The following ITGA1 variants were observed in gnomAD, a reference collection of about 807,000 sequenced individuals.
ITGA1 encodes integrin subunit alpha 1, also known as integrin alpha-1.
Under a neutral mutation model 145.9 loss-of-function variants are expected in ITGA1, and 85 were observed. That is an observed-to-expected ratio of 0.58 (90% confidence interval 0.49 to 0.70). The LOEUF is 0.70. ITGA1 is among the 30% of genes least tolerant of loss of function. ITGA1 has a pLI of 0.00. For missense variants in ITGA1, 1,351 were observed against 1,418.7 expected (o/e 0.95, Z 0.77); for synonymous variants, 520 against 495.3 (o/e 1.05, Z -0.66).
At chr5:52,925,168 A>T in intron 18 of ITGA1, 110 bp from the exon 19 acceptor site, 1 of 724,918 alleles carries the variant, frequency 1.4e-6, no homozygotes, top group Non-Finnish European at 2.4e-6. Flanking sequence ...TCTCCTTATG[A>T]GTTGCTTAAC....
chr5:52,895,890 G>C (rs555799486), intron 9 of ITGA1, among the ~76,000 whole-genome samples: 1 of 152,018 alleles, frequency 6.6e-6, no homozygotes, highest in African/African-American at 2.4e-5. Context: ...ATTTAAAAAG[G>C]CTTTATTTCT....
chr5:52,887,756 A>G (rs577880791), intron 7 of ITGA1, 59 bp from the exon 8 acceptor site: 5 of 1,496,924 alleles, frequency 3.3e-6, no homozygotes, highest in Admixed American at 4.2e-5. Flanking sequence ...TTAGTTTTTT[A>G]CTTTGTCTAT....
chr5:52,833,455 A>G (rs999479991), intron 1 of ITGA1, among the ~76,000 whole-genome samples: 5 of 152,210 alleles, frequency 3.3e-5, no homozygotes, highest in Admixed American at 2.6e-4. Flanking sequence ...TATGGGTTCC[A>G]TAAAACATTA....
At chr5:52,874,077 G>A (rs185240687) in intron 6 of ITGA1, among the ~76,000 whole-genome samples, 24 of 151,926 alleles carry the variant, frequency 1.6e-4, no homozygotes, top group African/African-American at 5.3e-4. Flanking sequence ...AAAAAAAAAG[G>A]TGGATTATTT....
At chr5:52,858,889 T>G (rs922906006) in intron 2 of ITGA1, among the ~76,000 whole-genome samples, 1 of 152,168 alleles carries the variant, frequency 6.6e-6, no homozygotes, top group African/African-American at 2.4e-5. Flanking sequence ...TTGATGATCC[T>G]CTGAAATGGA....
rs1279768532 is a variant in ITGA1, at chr5:52,932,543, A to G, written c.2861+407A>G. The stretch of plus-strand genomic sequence containing the variant: ...GCTGATCAGTCTTCTCAATCTGGAC[A>G]CACAAGATTAAAGCATTTCTCATTG... On this transcript the variant is annotated intron_variant, in intron 22 of 28. Transcript: ENST00000282588. 5.8e-5 allele frequency: 9 copies of G among 155,894 alleles called. No individual in the cohort carries two copies. The Admixed American group carries it at 5.9e-4, about 10-fold the overall frequency. 9.7% of individuals were successfully genotyped at this position (155,894 alleles called of 1,614,324 possible). A position where few individuals can be genotyped will look rare whatever the true frequency, so the allele number is the denominator to read the frequency against.
chr5:52,920,552 ACT>A (rs2111872159), intron 17 of ITGA1, 84 bp downstream of exon 17: 2 of 1,136,940 alleles, frequency 1.8e-6, no homozygotes, highest in Non-Finnish European at 1.2e-6. Context: ...TCAAATTCTT[ACT>A]GTTTTATTTC....
chr5:52,928,223 AAATTTATACTACATAACATATCT>A (rs1366520153), intron 20 of ITGA1, among the ~76,000 whole-genome samples: 1 of 152,236 alleles, frequency 6.6e-6, no homozygotes, highest in Non-Finnish European at 1.5e-5. Flanking sequence ...ACAAGATTTA[AAATTTATACTACATAACATATCT>A]AATTTATACT....
chr5:52,946,264 GGCT>G (rs1346139028), intron 27 of ITGA1, among the ~76,000 whole-genome samples: 7 of 152,150 alleles, frequency 4.6e-5, no homozygotes, highest in Non-Finnish European at 8.8e-5. Flanking sequence ...TGGGCTTAGT[GGCT>G]CATGTCTGTC....
intron 6 of ITGA1, among the ~76,000 whole-genome samples, chr5:52,871,101 T>G (rs1443110181): frequency 6.6e-6 from 1 of 152,222 alleles, no homozygotes; most frequent in East Asian, 1.9e-4. Context: ...AACTACAGGC[T>G]TCTTACCTCG....
chr5:52,939,543 C>A (rs1164351544), intron 24 of ITGA1, 47 bp from the exon 25 acceptor site: 1 of 1,270,258 alleles, frequency 7.9e-7, no homozygotes, highest in Admixed American at 1.8e-5. Context: ...CATGTTTTTC[C>A]TCTGATATCT....
At chr5:52,925,520 T>G in intron 19 of ITGA1, 33 bp downstream of exon 19, 2 of 1,463,842 alleles carry the variant, frequency 1.4e-6, no homozygotes, top group African/African-American at 1.4e-5. Flanking sequence ...ATTTGTTCTC[T>G]TAACATCATT....
At chr5:52,880,019 A>G (rs1448834243) in intron 6 of ITGA1, among the ~76,000 whole-genome samples, 3 of 152,238 alleles carry the variant, frequency 2.0e-5, no homozygotes, top group African/African-American at 7.2e-5. Context: ...ACTCTAACAT[A>G]TCTCAGTTAA....
In ITGA1 at chr5:52,915,501, T is replaced by C; in HGVS notation, c.1895T>C (p.Phe632Ser). The C allele has an allele frequency of 2.5e-6, 4 of 1,614,106 alleles. No individual in the cohort carries two copies. Among genetic ancestry groups the C allele is most frequent in the Non-Finnish European group, 3.4e-6 (4 of 1,179,980 alleles). The change falls in exon 15 of 29, where the codon TTT becomes TCT. Residue 632 changes from phenylalanine (F) to serine (S), a missense_variant. Physicochemically the swap from Phe to Ser is radical, Grantham distance 155. Transcript: ENST00000282588. ...PSGGDGKTLK[F>S]FGQSIHGEMD... The stretch of plus-strand genomic sequence containing the variant: ...GGTGGGGATGGTAAGACACTGAAAT[T>C]TTTTGGCCAGTCTATCCACGGAGAA...
chr5:52,943,551 C>T (rs1264704292), intron 26 of ITGA1, among the ~76,000 whole-genome samples: 1 of 152,182 alleles, frequency 6.6e-6, no homozygotes, highest in Non-Finnish European at 1.5e-5. Flanking sequence ...CAGGGGTGCT[C>T]TGCAGTGGGT....
chr5:52,823,743 A>G (rs1748915556), intron 1 of ITGA1, among the ~76,000 whole-genome samples: 1 of 152,240 alleles, frequency 6.6e-6, no homozygotes. Flanking sequence ...GAGAGTGCTA[A>G]AATACAGACA....
chr5:52,800,323 T>C, intron 1 of ITGA1: 3 of 1,563,116 alleles, frequency 1.9e-6, no homozygotes, highest in Non-Finnish European at 2.6e-6. Context: ...TGCATTCCCA[T>C]CCCCTCTCCC....
chr5:52,828,905 C>G (rs1165813750), intron 1 of ITGA1, among the ~76,000 whole-genome samples: 4 of 152,114 alleles, frequency 2.6e-5, no homozygotes, highest in Non-Finnish European at 4.4e-5. Flanking sequence ...ATACTAATCT[C>G]TAACTTTGTC....
chr5:52,886,632 G>T (rs201933029), intron 7 of ITGA1, among the ~76,000 whole-genome samples: 4 of 152,122 alleles, frequency 2.6e-5, no homozygotes, highest in Non-Finnish European at 4.4e-5. Context: ...GAGCGAAAAG[G>T]TTTGAGTAAA....
Sources: allele counts gnomAD v4.1 joint callset (sites outside exome capture counted in the v4.1 genomes callset), GRCh38; gene constraint gnomAD v4.1.1; transcripts MANE v1.5; gene names NCBI Gene and HGNC (gene_info 2026-07-23, HGNC 2026-07-21).